The following DCC variants were observed in gnomAD, a reference collection of about 807,000 sequenced individuals.
The protein encoded by DCC is netrin receptor DCC.
DCC carries 58 observed loss-of-function variants against 172.5 expected under a neutral mutation model. The ratio of observed to expected loss-of-function variants is 0.34; its 90% CI spans 0.27 to 0.42. DCC has a LOEUF of 0.42. Ranked by LOEUF, DCC falls within the 10% of genes least tolerant of loss-of-function variation. DCC has a pLI of 1.00. For missense variants in DCC, 1,740 were observed against 1,791.0 expected, an observed-to-expected ratio of 0.97 and a Z score of 0.51; for synonymous variants, 709 against 644.5, an observed-to-expected ratio of 1.10 and a Z score of -1.52.
chr18:52,433,017 T>C (rs983969443), intron 1 of DCC, among the ~76,000 whole-genome samples: 2 of 152,144 alleles, frequency 1.3e-5, no homozygotes, highest in Non-Finnish European at 2.9e-5. Context: ...GTGTCACAAA[T>C]TTATTTATTT....
intron 12 of DCC, among the ~76,000 whole-genome samples, chr18:53,293,485 T>C (rs2057029378): frequency 6.6e-6 from 1 of 152,156 alleles, no homozygotes; most frequent in Non-Finnish European, 1.5e-5. Flanking sequence ...AAATTTTTAT[T>C]TTAGTTTCAG....
intron 1 of DCC, among the ~76,000 whole-genome samples, chr18:52,695,822 C>A (rs1393987477): frequency 6.6e-6 from 1 of 152,132 alleles, no homozygotes; most frequent in African/African-American, 2.4e-5. Flanking sequence ...TATAAACTGC[C>A]CAGCCTTTCC....
intron 1 of DCC, among the ~76,000 whole-genome samples, chr18:52,431,120 C>T (rs1232859806): frequency 1.3e-5 from 2 of 151,984 alleles, no homozygotes; most frequent in Non-Finnish European, 2.9e-5. Context: ...CCATCATCAC[C>T]AGAGAACTTG....
At chr18:53,152,618 C>T (rs1222443670) in intron 7 of DCC, among the ~76,000 whole-genome samples, 1 of 152,046 alleles carries the variant, frequency 6.6e-6, no homozygotes, top group Non-Finnish European at 1.5e-5. Flanking sequence ...GTGGCAAATT[C>T]ACCTCCTCTT....
At chr18:52,419,578 C>T (rs1598803812) in intron 1 of DCC, 1 of 152,122 alleles carries the variant, frequency 6.6e-6, no homozygotes, top group Non-Finnish European at 1.5e-5. Context: ...AGAAGAAAGA[C>T]ATTTCCTAGG....
intron 2 of DCC, among the ~76,000 whole-genome samples, chr18:52,813,408 T>C (rs1182297615): frequency 6.6e-6 from 1 of 152,062 alleles, no homozygotes; most frequent in East Asian, 1.9e-4. Context: ...GCACATGAGA[T>C]GACTCTTGAC....
chr18:52,562,028 A>G (rs2033051162), intron 1 of DCC, among the ~76,000 whole-genome samples: 2 of 152,202 alleles, frequency 1.3e-5, no homozygotes, highest in Non-Finnish European at 2.9e-5. Context: ...TGTACAGAAG[A>G]CAGAGACATA....
chr18:52,594,486 A>T (rs545680107), intron 1 of DCC, among the ~76,000 whole-genome samples: 2 of 152,198 alleles, frequency 1.3e-5, no homozygotes, highest in African/African-American at 4.8e-5. Flanking sequence ...AGGAACTGAA[A>T]CCTCATTGTT....
chr18:53,056,622 C>A (rs1599077799), intron 5 of DCC, among the ~76,000 whole-genome samples: 1 of 152,072 alleles, frequency 6.6e-6, no homozygotes, highest in African/African-American at 2.4e-5. Context: ...TTAGTCTTTT[C>A]AAATATATGC....
chr18:52,537,094 C>T (rs1047483840), intron 1 of DCC, among the ~76,000 whole-genome samples: 4 of 152,130 alleles, frequency 2.6e-5, no homozygotes, highest in Non-Finnish European at 5.9e-5. Context: ...TAATTGTGAA[C>T]TCTGATTTTT....
At chr18:53,461,076 C>G (rs11083001) in intron 24 of DCC, among the ~76,000 whole-genome samples, 73,926 of 151,946 alleles carry the variant, frequency 0.49, 18,996 homozygotes, top group Non-Finnish European at 0.58. Flanking sequence ...GCATAAATGT[C>G]TTCTTTTGAG....
intron 12 of DCC, among the ~76,000 whole-genome samples, chr18:53,253,571 C>T (rs1011077916): frequency 6.6e-6 from 1 of 152,038 alleles, no homozygotes. Context: ...TATAACAATA[C>T]TCTTTATTAA....
chr18:53,201,429 G>A lies in DCC; in HGVS notation c.1574-3787G>A, dbSNP rs531768336. On this transcript the variant is annotated intron_variant, in intron 9 of 28. Transcript: ENST00000442544. ...TCACAATTCTGGATCCCTCACATACGGCATATATCTTAACAGGTCATTCAG... is the reference window on the plus strand; with the variant it reads ...TCACAATTCTGGATCCCTCACATACAGCATATATCTTAACAGGTCATTCAG... 4.6e-5 allele frequency among the ~76,000 whole-genome samples: 7 copies of A among 152,134 alleles called. No individual in the cohort carries two copies. The East Asian group carries it at 5.8e-4, about 13-fold the overall frequency.
chr18:53,118,122 T>C (rs572027166), intron 7 of DCC, among the ~76,000 whole-genome samples: 1 of 151,730 alleles, frequency 6.6e-6, no homozygotes, highest in African/African-American at 2.4e-5. Flanking sequence ...TTATCAGAAA[T>C]GTAGTAGAAC....
intron 5 of DCC, among the ~76,000 whole-genome samples, chr18:52,966,639 T>C (rs1280119090): frequency 6.6e-6 from 1 of 152,110 alleles, no homozygotes. Context: ...CTCCATTCTG[T>C]ATTGGTCTGT....
chr18:53,133,912 TAAG>T (rs1321815632), intron 7 of DCC, among the ~76,000 whole-genome samples: 1 of 152,178 alleles, frequency 6.6e-6, no homozygotes. Context: ...ATGTTGGAAT[TAAG>T]AATGCATGTC....
At chr18:52,969,582 C>CACTCT (rs60961374) in intron 5 of DCC, among the ~76,000 whole-genome samples, 5,313 of 79,894 alleles carry the variant, frequency 0.067, 232 homozygotes, top group Non-Finnish European at 0.075. Flanking sequence ...GCCCCGCCCC[C>CACTCT]CACTCTCTCT....
intron 5 of DCC, among the ~76,000 whole-genome samples, chr18:52,995,668 CCTT>C (rs1329763011): frequency 6.6e-6 from 1 of 151,872 alleles, no homozygotes; most frequent in Non-Finnish European, 1.5e-5. Context: ...TCTCCAGCCT[CCTT>C]AAGTTCTCAG....
chr18:52,791,545 C>A (rs190083559), intron 2 of DCC, among the ~76,000 whole-genome samples: 1 of 151,954 alleles, frequency 6.6e-6, no homozygotes, highest in Non-Finnish European at 1.5e-5. Context: ...GCATGACCCT[C>A]AGCCATAGAA....
Sources: gnomAD v4.1 joint callset for allele counts (sites outside exome capture counted in the v4.1 genomes callset) on GRCh38, gnomAD v4.1.1 for gene constraint, MANE v1.5 for transcripts, NCBI Gene and HGNC (gene_info 2026-07-23, HGNC 2026-07-21) for gene names.